The following XPO4 variants were observed in gnomAD, a reference collection of about 807,000 sequenced individuals.
XPO4 encodes exportin 4, also known as exportin-4.
XPO4 carries 39 observed loss-of-function variants against 143.0 expected under a neutral mutation model. That is an observed-to-expected ratio of 0.27 (90% CI 0.21 to 0.36). The LOEUF (loss-of-function observed/expected upper bound fraction) is 0.36. XPO4 is among the 10% of genes least tolerant of loss of function. The pLI is 1.00. For missense variants in XPO4, 907 were observed against 1,348.0 expected (o/e 0.67, Z 5.12); for synonymous variants, 439 against 474.0 (o/e 0.93, Z 0.96).
At chr13:20,836,728 A>C (rs1021124726) in intron 6 of XPO4, among the ~76,000 whole-genome samples, 3 of 152,216 alleles carry the variant, frequency 2.0e-5, no homozygotes, top group African/African-American at 7.2e-5. Flanking sequence ...CAATGGTTTT[A>C]GCATATTCAC....
Position 20,852,058 on chromosome 13 carries a change from G to A in XPO4, c.456+3569C>T, listed in dbSNP as rs545374305. The stretch of plus-strand genomic sequence containing the variant: ...AAGGGACTCTTGACCCTTCGCCTGC[G>A]CCGTCCCAGTGCCAACAAGCTACTT... On this transcript the variant is annotated intron_variant, in intron 4 of 22. Transcript: ENST00000255305. 5.1e-5 allele frequency: 50 copies of A among 985,380 alleles called. No homozygotes were observed. In the African/African-American group the frequency reaches 5.2e-4, roughly 10 times the overall value. 61.0% of individuals were successfully genotyped at this position (985,380 alleles called of 1,614,324 possible).
At chr13:20,872,534 G>A (rs1185306611) in intron 1 of XPO4, among the ~76,000 whole-genome samples, 1 of 152,136 alleles carries the variant, frequency 6.6e-6, no homozygotes, top group Admixed American at 6.6e-5. Context: ...TTTAGGATAC[G>A]AGGCATTATT....
chr13:20,845,442 C>G (rs1354009587), intron 4 of XPO4, among the ~76,000 whole-genome samples: 1 of 152,154 alleles, frequency 6.6e-6, no homozygotes, highest in Non-Finnish European at 1.5e-5. Flanking sequence ...TCAAAATATA[C>G]ATGACTTAAT....
At chr13:20,828,519 C>G (rs1480727397) in intron 6 of XPO4, among the ~76,000 whole-genome samples, 2 of 151,950 alleles carry the variant, frequency 1.3e-5, no homozygotes, top group African/African-American at 4.8e-5. Flanking sequence ...TTGCTTAACC[C>G]CTTTTAAAAT....
At chr13:20,829,806 A>G (rs2059830501) in intron 6 of XPO4, among the ~76,000 whole-genome samples, 1 of 152,222 alleles carries the variant, frequency 6.6e-6, no homozygotes, top group Admixed American at 6.5e-5. Flanking sequence ...ATGATAAGCT[A>G]AAGATTCAAT....
At chr13:20,799,093 T>TA (rs2059398340) in intron 16 of XPO4, 72 bp downstream of exon 16, 3 of 1,376,124 alleles carry the variant, frequency 2.2e-6, no homozygotes, top group Non-Finnish European at 2.9e-6. Context: ...CAGAGACTCT[T>TA]ACGGCAACGC....
At chr13:20,800,035 G>A in intron 15 of XPO4, 121 bp downstream of exon 15, 1 of 1,111,598 alleles carries the variant, frequency 9.0e-7, no homozygotes, top group Non-Finnish European at 1.2e-6. Flanking sequence ...AAAAATGTAG[G>A]CTCTATCTGG....
chr13:20,841,424 T>G (rs1160305717), intron 6 of XPO4, among the ~76,000 whole-genome samples: 1 of 152,152 alleles, frequency 6.6e-6, no homozygotes, highest in African/African-American at 2.4e-5. Context: ...GGAAATTTTT[T>G]AAAAAGCAAA....
chr13:20,849,408 A>G (rs1244485295), intron 4 of XPO4: 1 of 984,652 alleles, frequency 1.0e-6, no homozygotes, highest in Admixed American at 6.1e-5. Context: ...GATTTAACGT[A>G]TGCCTACTGC....
chr13:20,806,188 G>A (rs2059501024), intron 13 of XPO4, among the ~76,000 whole-genome samples: 1 of 151,960 alleles, frequency 6.6e-6, no homozygotes, highest in South Asian at 2.1e-4. Context: ...TAATGACTAA[G>A]GTAATCCTAA....
chr13:20,812,869 T>C (rs2059601063), intron 9 of XPO4, among the ~76,000 whole-genome samples: 2 of 151,838 alleles, frequency 1.3e-5, no homozygotes, highest in South Asian at 2.1e-4. Context: ...AATTATTCCA[T>C]ATTTTAAATA....
chr13:20,790,347 A>G (rs994216994), intron 19 of XPO4, 115 bp downstream of exon 19: 18 of 809,420 alleles, frequency 2.2e-5, no homozygotes, highest in Non-Finnish European at 2.9e-5. Context: ...TTGTATCTTC[A>G]TGTGCACTTA....
chr13:20,865,940 CT>C (rs1419356118), intron 2 of XPO4, among the ~76,000 whole-genome samples: 1 of 152,136 alleles, frequency 6.6e-6, no homozygotes, highest in African/African-American at 2.4e-5. Flanking sequence ...GTTTAACTGA[CT>C]TTTTGGTGGT....
chr13:20,802,870 G>C (rs1205745091), intron 13 of XPO4, among the ~76,000 whole-genome samples: 1 of 152,056 alleles, frequency 6.6e-6, no homozygotes, highest in Admixed American at 6.5e-5. Context: ...CTTAAAACTA[G>C]ACAACTGAGC....
chr13:20,784,420 G>A (rs2059175369), intron 22 of XPO4, among the ~76,000 whole-genome samples: 1 of 152,222 alleles, frequency 6.6e-6, no homozygotes, highest in Admixed American at 6.5e-5. Flanking sequence ...GGACGGGGCG[G>A]AGAAATATAT....
chr13:20,864,884 A>G (rs2060231435), intron 2 of XPO4, among the ~76,000 whole-genome samples: 1 of 152,132 alleles, frequency 6.6e-6, no homozygotes, highest in African/African-American at 2.4e-5. Flanking sequence ...AAAAAAAAAA[A>G]AAGCCAAATT....
At chr13:20,896,771 A>C (rs1039062117) in intron 1 of XPO4, among the ~76,000 whole-genome samples, 2 of 152,192 alleles carry the variant, frequency 1.3e-5, no homozygotes, top group African/African-American at 4.8e-5. Flanking sequence ...TAACAGTTAT[A>C]TTAGGACTCC....
intron 2 of XPO4, among the ~76,000 whole-genome samples, chr13:20,867,539 C>A (rs1171132589): frequency 6.6e-6 from 1 of 152,114 alleles, no homozygotes; most frequent in Non-Finnish European, 1.5e-5. Flanking sequence ...GAAAAAGAGG[C>A]CCAGGGAGGT....
At chr13:20,822,340 G>T (rs763109418) in intron 7 of XPO4, 51 bp from the exon 8 acceptor site, 31 of 1,524,890 alleles carry the variant, frequency 2.0e-5, no homozygotes, top group Admixed American at 3.7e-5. Flanking sequence ...CTTTGTAAGG[G>T]TCACGTGTCT....
Sources: gnomAD v4.1 joint callset for allele counts (sites outside exome capture counted in the v4.1 genomes callset) on GRCh38, gnomAD v4.1.1 for gene constraint, MANE v1.5 for transcripts, NCBI Gene and HGNC (gene_info 2026-07-23, HGNC 2026-07-21) for gene names.